Variants in AFDN observed in about 807,000 individuals in gnomAD.
AFDN encodes the protein afadin.
In AFDN, 68 loss-of-function variants were observed where a neutral mutation model predicts 216.6. That is an observed-to-expected ratio of 0.31 (90% CI 0.26 to 0.38). The LOEUF is 0.38. AFDN is among the 10% of genes least tolerant of loss of function. AFDN has a pLI of 1.00. For synonymous variants in AFDN, 868 were observed against 853.7 expected (o/e 1.02, Z -0.29); for missense variants, 2,136 against 2,342.0 (o/e 0.91, Z 1.82).
At chr6:167,954,451 C>A in intron 30 of AFDN, 1 of 1,589,072 alleles carries the variant, frequency 6.3e-7, no homozygotes, top group Admixed American at 1.7e-5. Flanking sequence ...TTCTCTGTTA[C>A]CTGCAGCAGA....
intron 1 of AFDN, among the ~76,000 whole-genome samples, chr6:167,860,638 C>A (rs1014148024): frequency 6.6e-6 from 1 of 152,158 alleles, no homozygotes; most frequent in East Asian, 1.9e-4. Flanking sequence ...ATAACTCACT[C>A]AAGGATGTGG....
chr6:167,884,703 G>A (rs1786558480), intron 6 of AFDN, among the ~76,000 whole-genome samples: 1 of 152,106 alleles, frequency 6.6e-6, no homozygotes. Flanking sequence ...CATTTATAGA[G>A]CACAGGCAGA....
Position 167,915,321 on chromosome 6 carries a change from G to T in AFDN, c.2453G>T (p.Cys818Phe), listed in dbSNP as rs1427024421. The T allele has an allele frequency of 6.2e-7, 1 of 1,614,232 alleles. No homozygotes were observed. Among genetic ancestry groups the T allele is most frequent in the East Asian group, 2.2e-5 (1 of 44,874 alleles). Reference protein sequence around the residue: ...RLVTDPDSGLCSHYWGAIIRQ... With the variant: ...RLVTDPDSGLFSHYWGAIIRQ... The stretch of plus-strand genomic sequence containing the variant: ...GTGACCGACCCAGATTCGGGGCTGT[G>T]CTCCCATTACTGGGGTGCGATTATC... Residue 818 changes from cysteine to phenylalanine, a missense_variant, in exon 19 of 34, where the codon TGC becomes TTC. Physicochemically the swap from Cys to Phe is radical, Grantham distance 205. This residue lies in a region of AFDN where 817 missense variants were observed against 965.7 expected (regional missense o/e 0.85). Transcript: ENST00000683244.
chr6:167,967,432 T>G (rs963303341), intron 32 of AFDN, among the ~76,000 whole-genome samples: 1 of 152,216 alleles, frequency 6.6e-6, no homozygotes, highest in African/African-American at 2.4e-5. Flanking sequence ...AAGCCAGGAT[T>G]AAATCATTTT....
At chr6:167,954,942 G>A in intron 30 of AFDN, among the ~76,000 whole-genome samples, 1 of 151,846 alleles carries the variant, frequency 6.6e-6, no homozygotes. Context: ...GAGATTTCCA[G>A]TGAACATGTA....
rs771695404 is a variant in AFDN, at chr6:167,947,869, T to C, written c.3570T>C (p.Pro1190=). The part of the protein sequence containing the change: ...SPNVANQPPS[P]GGKSAYASGT... ...CTTGAGCAGATCAGCCTCCTAGTCCTGGAGGGAAAAGTGCATATGCCTCTG... is the reference window on the plus strand; with the variant it reads ...CTTGAGCAGATCAGCCTCCTAGTCCCGGAGGGAAAAGTGCATATGCCTCTG... Residue 1190 remains proline, a synonymous_variant, in exon 28 of 34, where the codon CCT becomes CCC. Coordinates refer to ENST00000683244, the MANE Select transcript of AFDN (RefSeq NM_001386888.1). 1.2e-5 allele frequency: 20 copies of C among 1,612,918 alleles called. No homozygotes were observed. Among genetic ancestry groups the C allele is most frequent in the Middle Eastern group, 1.6e-4 (1 of 6,078 alleles).
intron 31 of AFDN, among the ~76,000 whole-genome samples, chr6:167,965,497 G>A (rs2128759804): frequency 6.6e-6 from 1 of 152,354 alleles, no homozygotes; most frequent in South Asian, 2.1e-4. Flanking sequence ...AAAGGCATAA[G>A]TGACTGGGAA....
intron 1 of AFDN, among the ~76,000 whole-genome samples, chr6:167,833,611 T>C (rs1780066523): frequency 6.6e-6 from 1 of 152,202 alleles, no homozygotes; most frequent in Non-Finnish European, 1.5e-5. Context: ...CTACTTATTA[T>C]TCTAGTTCCT....
intron 21 of AFDN, 61 bp downstream of exon 21, chr6:167,918,994 C>A: frequency 7.1e-7 from 1 of 1,414,656 alleles, no homozygotes; most frequent in South Asian, 1.2e-5. Context: ...GCATTTTATT[C>A]ATTGTCCATC....
chr6:167,919,126 C>T (rs904613184), intron 21 of AFDN, among the ~76,000 whole-genome samples, 193 bp downstream of exon 21: 1 of 152,204 alleles, frequency 6.6e-6, no homozygotes, highest in Non-Finnish European at 1.5e-5. Context: ...ACACAGAGCC[C>T]TTGGGCATGT....
At chr6:167,877,086 T>C (rs1245904258) in intron 5 of AFDN, among the ~76,000 whole-genome samples, 4 of 152,166 alleles carry the variant, frequency 2.6e-5, no homozygotes, top group South Asian at 2.1e-4. Flanking sequence ...AGCTCTGTCA[T>C]TGACAGTGGG....
At chr6:167,964,682 G>GAA (rs1797366922) in intron 31 of AFDN, 1 of 1,061,432 alleles carries the variant, frequency 9.4e-7, no homozygotes, top group Non-Finnish European at 1.1e-6. Context: ...GGAGTAGGGA[G>GAA]AAAATACAGG....
At chr6:167,880,237 T>C in intron 5 of AFDN, 123 bp from the exon 6 acceptor site, 6 of 826,874 alleles carry the variant, frequency 7.3e-6, no homozygotes, top group Non-Finnish European at 1.2e-5. Flanking sequence ...ATTAGGCAGA[T>C]TGTCTTTACA....
intron 22 of AFDN, among the ~76,000 whole-genome samples, chr6:167,924,469 G>A (rs1476111916): frequency 1.3e-5 from 2 of 152,192 alleles, no homozygotes; most frequent in African/African-American, 4.8e-5. Flanking sequence ...TGCTCTGGGT[G>A]TTGCTGCATG....
intron 6 of AFDN, among the ~76,000 whole-genome samples, chr6:167,883,086 G>C (rs377497040): frequency 2.6e-5 from 4 of 152,144 alleles, no homozygotes; most frequent in African/African-American, 9.7e-5. Context: ...GGAGGACATT[G>C]TCCAGCAGAA....
intron 5 of AFDN, among the ~76,000 whole-genome samples, chr6:167,878,763 G>C (rs1025037204): frequency 6.6e-6 from 1 of 152,042 alleles, no homozygotes; most frequent in Non-Finnish European, 1.5e-5. Context: ...TTTTCCCCTC[G>C]CTCTGTCCGT....
rs139666417 is a variant in AFDN, at chr6:167,945,471, A to G, written c.3359-1236A>G. Among the ~76,000 whole-genome samples, 692 of 152,356 alleles carry G rather than the reference A, an allele frequency of 4.5e-3. 3 individuals carry two copies. Among genetic ancestry groups the G allele is most frequent in the Non-Finnish European group, 5.8e-3 (392 of 68,036 alleles). On this transcript the variant is annotated intron_variant, in intron 26 of 33. Transcript: ENST00000683244. ...AAAAATATAGTATAGTAAAATATAT[A>G]AACAAGCAACCCAGTCGCATATTAC...
In AFDN at chr6:167,826,987, C is replaced by CGGCGCGGCCGCGGAGGCGGAGGCA. The variant is rs1779145351; in HGVS notation, c.-144_-121dup. 1 of 171,854 alleles carries CGGCGCGGCCGCGGAGGCGGAGGCA rather than the reference C, an allele frequency of 5.8e-6. No homozygotes were observed. The highest frequency in any genetic ancestry group is 1.1e-5 in the Non-Finnish European group (1 of 88,808). The allele number at this position is 171,854 out of a possible 1,614,324, so 10.6% of individuals were successfully genotyped here. ...CAGGCGGAGGCCAAGTCGGAGGACG[C>CGGCGCGGCCGCGGAGGCGGAGGCA]GGCGCGGCCGCGGAGGCGGAGGCAG... On this transcript the variant is annotated 5_prime_UTR_variant, in exon 1 of 34. Coordinates refer to ENST00000683244, the MANE Select transcript of AFDN (RefSeq NM_001386888.1).
At chr6:167,855,927 A>G (rs1261178068) in intron 1 of AFDN, among the ~76,000 whole-genome samples, 1 of 152,168 alleles carries the variant, frequency 6.6e-6, no homozygotes, top group Non-Finnish European at 1.5e-5. Flanking sequence ...CTGAGGTTAC[A>G]GTTAGCCAGG....
Sources: gnomAD v4.1 joint callset for allele counts (sites outside exome capture counted in the v4.1 genomes callset) on GRCh38, gnomAD v4.1.1 for gene constraint, gnomAD v4.1.1 regional missense constraint, MANE v1.5 for transcripts, NCBI Gene and HGNC (gene_info 2026-07-23, HGNC 2026-07-21) for gene names.